PTPRT: variants seen among roughly 807,000 people sequenced by gnomAD.
The protein encoded by PTPRT is protein tyrosine phosphatase receptor type T, also known as receptor-type tyrosine-protein phosphatase T.
A neutral mutation model predicts 176.8 loss-of-function variants in PTPRT; 56 were observed. That is an observed-to-expected ratio of 0.32 (90% CI 0.26 to 0.40). The LOEUF is 0.40. Ranked by LOEUF, PTPRT falls within the 10% of genes least tolerant of loss-of-function variation. PTPRT has a pLI of 1.00. For missense variants in PTPRT, 1,540 were observed against 1,908.2 expected (o/e 0.81, Z 3.60); for synonymous variants, 783 against 739.0 (o/e 1.06, Z -0.96).
intron 6 of PTPRT, among the ~76,000 whole-genome samples, chr20:42,706,755 A>G (rs973125049): frequency 5.9e-5 from 9 of 152,236 alleles, no homozygotes; most frequent in Admixed American, 1.3e-4. Context: ...ACCTAAAAAT[A>G]CAATTACAGC....
At chr20:42,990,289 A>G (rs1216728996) in intron 1 of PTPRT, among the ~76,000 whole-genome samples, 1 of 152,180 alleles carries the variant, frequency 6.6e-6, no homozygotes, top group East Asian at 1.9e-4. Context: ...CTGGCTTTCT[A>G]GAGAAACGGT....
intron 1 of PTPRT, among the ~76,000 whole-genome samples, chr20:43,149,454 G>GTAT (rs1162392309): frequency 1.3e-5 from 2 of 152,180 alleles, no homozygotes; most frequent in Admixed American, 1.3e-4. Flanking sequence ...GTCAAGGGAG[G>GTAT]TATTTGAGAA....
chr20:42,559,007 C>T (rs1328186283), intron 7 of PTPRT, among the ~76,000 whole-genome samples: 1 of 152,186 alleles, frequency 6.6e-6, no homozygotes, highest in Non-Finnish European at 1.5e-5. Context: ...TCTGGGTGAA[C>T]TCCATGAGGA....
chr20:42,713,099 T>C (rs1569104615), intron 6 of PTPRT, among the ~76,000 whole-genome samples: 1 of 151,992 alleles, frequency 6.6e-6, no homozygotes, highest in African/African-American at 2.4e-5. Context: ...TTGATTAATC[T>C]ACACATGAAA....
chr20:42,803,566 T>C lies in PTPRT; in HGVS notation c.215-12100A>G, dbSNP rs188922133. On this transcript the variant is annotated intron_variant, in intron 2 of 30. Transcript: ENST00000373187. ...TTTTTAATTATTTATTATTTATTTATTTTTTGAGAAGGAGTCTCGCTCTGT... is the reference window on the plus strand; with the variant it reads ...TTTTTAATTATTTATTATTTATTTACTTTTTGAGAAGGAGTCTCGCTCTGT... 7.2e-3 allele frequency among the ~76,000 whole-genome samples: 1,093 copies of C among 152,332 alleles called. 7 individuals are homozygous for C. Among genetic ancestry groups the C allele is most frequent in the Middle Eastern group, 0.01 (3 of 294 alleles).
At chr20:42,525,330 G>T (rs1206020806) in intron 7 of PTPRT, among the ~76,000 whole-genome samples, 1 of 152,018 alleles carries the variant, frequency 6.6e-6, no homozygotes, top group Non-Finnish European at 1.5e-5. Flanking sequence ...TTCCATATTT[G>T]GTCATTCACT....
chr20:42,125,623 T>TCAGGACAACTGTTA (rs1987816480), intron 19 of PTPRT, among the ~76,000 whole-genome samples: 1 of 152,258 alleles, frequency 6.6e-6, no homozygotes, highest in East Asian at 1.9e-4. Flanking sequence ...TCTGGTTTCC[T>TCAGGACAACTGTTA]GTCTTTAAAG....
rs376033288 is a variant in PTPRT, at chr20:42,812,935, C to T, written c.215-21469G>A. The stretch of plus-strand genomic sequence containing the variant: ...ATGTTTATACCTTTAGAGTATATAT[C>T]TTTATGTCTGTATCTATTGTAGAAT... On this transcript the variant is annotated intron_variant, in intron 2 of 30. Coordinates refer to ENST00000373187, the MANE Select transcript of PTPRT (RefSeq NM_007050.6). 5.3e-5 allele frequency among the ~76,000 whole-genome samples: 8 copies of T among 151,940 alleles called. No homozygotes were observed. In the East Asian group the frequency reaches 1.5e-3, roughly 29 times the overall value.
intron 9 of PTPRT, among the ~76,000 whole-genome samples, chr20:42,391,137 G>A (rs369220453): frequency 1.3e-4 from 20 of 152,238 alleles, no homozygotes; most frequent in African/African-American, 3.1e-4. Context: ...AGGGAGGAGC[G>A]TGGCTAGGAA....
intron 9 of PTPRT, among the ~76,000 whole-genome samples, chr20:42,356,195 C>T (rs1342268550): frequency 2.0e-5 from 3 of 151,970 alleles, no homozygotes; most frequent in East Asian, 1.9e-4. Context: ...TAATATGAAC[C>T]TTCATTTATA....
intron 11 of PTPRT, among the ~76,000 whole-genome samples, chr20:42,317,268 C>T (rs780572323): frequency 2.1e-4 from 32 of 152,300 alleles, no homozygotes; most frequent in Non-Finnish European, 3.5e-4. Context: ...ATAGAGATGA[C>T]TGATCCTTTA....
At chr20:42,476,343 T>C (rs1011705251) in intron 7 of PTPRT, among the ~76,000 whole-genome samples, 1 of 152,138 alleles carries the variant, frequency 6.6e-6, no homozygotes, top group Admixed American at 6.5e-5. Context: ...TGGCAGAATA[T>C]TGGGTGAAGC....
At chr20:42,544,573 T>A (rs969397294) in intron 7 of PTPRT, among the ~76,000 whole-genome samples, 14 of 152,150 alleles carry the variant, frequency 9.2e-5, no homozygotes, top group African/African-American at 3.4e-4. Context: ...CACAGATATG[T>A]AAGAAAACCC....
intron 6 of PTPRT, among the ~76,000 whole-genome samples, chr20:42,713,722 C>T (rs201540695): frequency 2.0e-5 from 3 of 152,204 alleles, no homozygotes; most frequent in South Asian, 2.1e-4. Context: ...ATCATGGGAG[C>T]GGATTTCTCA....
intron 1 of PTPRT, among the ~76,000 whole-genome samples, chr20:43,149,758 C>A (rs997897680): frequency 6.6e-6 from 1 of 152,218 alleles, no homozygotes; most frequent in Admixed American, 6.5e-5. Context: ...TAAATCATAA[C>A]CCTCATCTAC....
intron 13 of PTPRT, among the ~76,000 whole-genome samples, chr20:42,269,380 G>T (rs367629611): frequency 2.6e-5 from 4 of 152,164 alleles, no homozygotes; most frequent in Admixed American, 2.0e-4. Flanking sequence ...TAAACTGACC[G>T]TTCAGGGATT....
chr20:42,380,512 G>A (rs961989263), intron 9 of PTPRT, among the ~76,000 whole-genome samples: 1 of 152,182 alleles, frequency 6.6e-6, no homozygotes, highest in Non-Finnish European at 1.5e-5. Context: ...CTGAGAACTG[G>A]AACAGAGAAT....
intron 12 of PTPRT, among the ~76,000 whole-genome samples, chr20:42,298,525 T>C (rs925429847): frequency 6.6e-6 from 1 of 152,180 alleles, no homozygotes; most frequent in Non-Finnish European, 1.5e-5. Flanking sequence ...AATACAAAAA[T>C]ATATGTGCAC....
At chr20:42,456,232 T>C (rs754566295) in intron 8 of PTPRT, among the ~76,000 whole-genome samples, 7 of 152,098 alleles carry the variant, frequency 4.6e-5, no homozygotes, top group Admixed American at 2.0e-4. Context: ...ATTGACTTTT[T>C]AATGTTAATG....
Sources: gnomAD v4.1 joint callset for allele counts (sites outside exome capture counted in the v4.1 genomes callset) on GRCh38, gnomAD v4.1.1 for gene constraint, MANE v1.5 for transcripts, NCBI Gene and HGNC (gene_info 2026-07-23, HGNC 2026-07-21) for gene names.